Variants in INO80 observed in about 807,000 individuals in gnomAD.
INO80 encodes the protein chromatin-remodeling ATPase INO80.
A neutral mutation model predicts 203.4 loss-of-function variants in INO80; 20 were observed. The observed-to-expected ratio is 0.10, with a 90% CI of 0.07 to 0.14. INO80 has a LOEUF of 0.14. INO80 is among the 10% of genes least tolerant of loss of function. The pLI is 1.00. For missense variants in INO80, 1,419 were observed against 1,914.4 expected, an observed-to-expected ratio of 0.74 and a Z score of 4.83; for synonymous variants, 726 against 685.2, an observed-to-expected ratio of 1.06 and a Z score of -0.93.
At chr15:41,006,404 G>T (rs1419251904) in intron 27 of INO80, among the ~76,000 whole-genome samples, 1 of 152,154 alleles carries the variant, frequency 6.6e-6, no homozygotes, top group East Asian at 1.9e-4. Context: ...AAGTCCACTT[G>T]TAGAAGAACT....
Position 40,979,708 on chromosome 15 carries a change from A to G in INO80, c.*515T>C, listed in dbSNP as rs183047130. ...TCTCTCGCAGTCACTGCTCTCTCCA[A>G]TGATGACACTCTGGGGTTCAGAGAC... On this transcript the variant is annotated 3_prime_UTR_variant, in exon 36 of 36. Coordinates refer to ENST00000648947, the MANE Select transcript of INO80 (RefSeq NM_017553.3). 6.7e-4 allele frequency: 113 copies of G among 168,898 alleles called. No homozygotes were observed. Among genetic ancestry groups the G allele is most frequent in the Admixed American group, 1.2e-3 (21 of 17,982 alleles). The allele number at this position is 168,898 out of a possible 1,614,324, so 10.5% of individuals were successfully genotyped here.
At chr15:41,051,103 T>A (rs1437670167) in intron 19 of INO80, among the ~76,000 whole-genome samples, 3 of 122,128 alleles carry the variant, frequency 2.5e-5, no homozygotes, top group Non-Finnish European at 4.8e-5. Context: ...CACTCCAGCC[T>A]GGGTGACAGA....
chr15:40,994,643 G>A (rs1319871396), intron 29 of INO80, among the ~76,000 whole-genome samples: 1 of 152,024 alleles, frequency 6.6e-6, no homozygotes, highest in Non-Finnish European at 1.5e-5. Flanking sequence ...AGGATTACAG[G>A]TGTGAGCCAC....
At chr15:41,022,802 C>T (rs923915159) in intron 25 of INO80, among the ~76,000 whole-genome samples, 3 of 152,138 alleles carry the variant, frequency 2.0e-5, no homozygotes, top group African/African-American at 7.2e-5. Flanking sequence ...TTATCCTCTC[C>T]AAAAGGAACT....
At chr15:41,037,699 T>C (rs948922800) in intron 24 of INO80, among the ~76,000 whole-genome samples, 15 of 152,044 alleles carry the variant, frequency 9.9e-5, no homozygotes, top group African/African-American at 1.4e-4. Flanking sequence ...TCCCAGCACT[T>C]TGAAAGGCCG....
intron 24 of INO80, among the ~76,000 whole-genome samples, chr15:41,044,261 G>A (rs1239246077): frequency 1.3e-5 from 2 of 152,088 alleles, no homozygotes; most frequent in Admixed American, 1.3e-4. Context: ...ATGTGCATAG[G>A]GGTTTTATTC....
intron 1 of INO80, among the ~76,000 whole-genome samples, chr15:41,105,317 G>C (rs1265737634): frequency 6.6e-6 from 1 of 152,072 alleles, no homozygotes; most frequent in Non-Finnish European, 1.5e-5. Context: ...ATTCCAAGTG[G>C]GGATCCAAAT....
rs148312335 is a variant in INO80 at position 41,056,700 on chromosome 15, A to G, written c.1992T>C (p.Arg664=). 1.5e-5 allele frequency: 25 copies of G among 1,613,588 alleles called. 1 individual carries two copies. In the South Asian group the frequency reaches 2.4e-4, roughly 16 times the overall value. Residue 664 remains arginine, a synonymous_variant, in exon 17 of 36, where the codon CGT becomes CGC. Coordinates refer to ENST00000648947, the MANE Select transcript of INO80 (RefSeq NM_017553.3). ...AQALKSSSSV[R]WKILLQFQCR... is the part of the protein sequence containing the mutation. ...ACTGGAACTGTAAGAGGATCTTCCA[A>G]CGAACACTGTTTGATAAAATAAGTT...
Position 41,085,601 on chromosome 15 carries a change from G to C in INO80, c.659-18C>G, listed in dbSNP as rs1173541325. The C allele has an allele frequency of 1.2e-6, 2 of 1,601,626 alleles. No homozygotes were observed. The highest frequency in any genetic ancestry group is 3.3e-5 in the Admixed American group (2 of 59,780). ...CAACTTAGCTGCAAAAGAAACAGATGCAACAGGTTGCACTTCCACAGGAGA... is the reference window on the plus strand; with the variant it reads ...CAACTTAGCTGCAAAAGAAACAGATCCAACAGGTTGCACTTCCACAGGAGA... On this transcript the variant is annotated intron_variant, in intron 6 of 35. Coordinates refer to ENST00000648947, the MANE Select transcript of INO80 (RefSeq NM_017553.3).
chr15:41,009,869 G>A (rs951154077), intron 27 of INO80, among the ~76,000 whole-genome samples: 4 of 152,108 alleles, frequency 2.6e-5, no homozygotes, highest in Non-Finnish European at 5.9e-5. Context: ...CAAAGTGCTA[G>A]GATTACAGGT....
Position 40,982,967 on chromosome 15 carries a change from G to T in INO80, c.4348C>A (p.Arg1450=), listed in dbSNP as rs760451822. The T allele has an allele frequency of 1.2e-6, 2 of 1,614,152 alleles. No individual in the cohort carries two copies. Among genetic ancestry groups the T allele is most frequent in the Non-Finnish European group, 1.7e-6 (2 of 1,180,036 alleles). The part of the protein sequence containing the change: ...TAKGAGKGRS[R]KSTAGSAAAM... ...GCAGCACTGCCTGCCGTGGACTTTC[G>T]GCTCCGGCCCTTCCCTGCTCCTTTG... is the stretch of plus-strand genomic sequence containing the variant. The change falls in exon 35 of 36, where the codon CGA becomes AGA. Residue 1450 remains arginine, a synonymous_variant. Transcript: ENST00000648947.
Position 41,069,624 on chromosome 15 carries a change from C to A in INO80, c.1728G>T (p.Ala576=). 2.5e-6 allele frequency: 4 copies of A among 1,606,944 alleles called. No individual in the cohort carries two copies. Among genetic ancestry groups the A allele is most frequent in the Non-Finnish European group, 3.4e-6 (4 of 1,176,754 alleles). The stretch of plus-strand genomic sequence containing the variant: ...CCTGGTGCCAATTGTTAAGTGTAGA[C>A]GCAGGTGAAATTATTAAGAAAGGTC... ...IWGPFLIISP[A]STLNNWHQEF... is the part of the protein sequence containing the mutation. Residue 576 remains alanine (A), a synonymous_variant, in exon 14 of 36, where the codon GCG becomes GCT. Coordinates refer to ENST00000648947, the MANE Select transcript of INO80 (RefSeq NM_017553.3).
chr15:40,980,539 G>T, intron 35 of INO80, 99 bp from the exon 36 acceptor site: 1 of 848,846 alleles, frequency 1.2e-6, no homozygotes, highest in Non-Finnish European at 1.9e-6. Flanking sequence ...TGGAGGAGAA[G>T]TGGTGGGCAA....
intron 19 of INO80, among the ~76,000 whole-genome samples, chr15:41,051,056 G>C (rs1038887978): frequency 6.9e-6 from 1 of 145,512 alleles, no homozygotes; most frequent in African/African-American, 2.6e-5. Context: ...TTGAACCCGG[G>C]AGGCAGAAGT....
chr15:41,114,284 A>C (rs2045997348), intron 1 of INO80, among the ~76,000 whole-genome samples: 2 of 150,120 alleles, frequency 1.3e-5, no homozygotes, highest in Non-Finnish European at 2.9e-5. Flanking sequence ...AAAAAAAAAA[A>C]AACATTCATT....
chr15:41,100,830 C>CTTT (rs1190451283), intron 1 of INO80, among the ~76,000 whole-genome samples: 3 of 138,098 alleles, frequency 2.2e-5, no homozygotes, highest in Non-Finnish European at 3.2e-5. Context: ...ACAATTTTTT[C>CTTT]TTTTTTTTTT....
chr15:41,052,746 C>A (rs1455732782), intron 19 of INO80, among the ~76,000 whole-genome samples: 2 of 148,846 alleles, frequency 1.3e-5, no homozygotes, highest in African/African-American at 5.0e-5. Flanking sequence ...ACTAAGAGGT[C>A]GGGCACAGTG....
chr15:40,998,497 A>C (rs983261346), intron 28 of INO80, among the ~76,000 whole-genome samples: 4 of 152,192 alleles, frequency 2.6e-5, no homozygotes, highest in Non-Finnish European at 4.4e-5. Context: ...CAAATGATTA[A>C]ATATGGTTTT....
intron 9 of INO80, among the ~76,000 whole-genome samples, chr15:41,074,975 G>A (rs112560276): frequency 3.7e-4 from 57 of 152,132 alleles, no homozygotes; most frequent in African/African-American, 1.4e-3. Flanking sequence ...GAACTGAGGT[G>A]ATCCACTGGC....
Sources: allele counts gnomAD v4.1 joint callset (sites outside exome capture counted in the v4.1 genomes callset), GRCh38; gene constraint gnomAD v4.1.1; transcripts MANE v1.5; gene names NCBI Gene and HGNC (gene_info 2026-07-23, HGNC 2026-07-21).